ATXN7L3: variants seen among roughly 807,000 people sequenced by gnomAD.
The protein encoded by ATXN7L3 is ataxin 7 like 3, also known as ataxin-7-like protein 3.
In ATXN7L3, 6 loss-of-function variants were observed where a neutral mutation model predicts 50.0. The observed-to-expected ratio is 0.12, with a 90% CI of 0.07 to 0.24. The LOEUF is 0.24. Ranked by LOEUF, ATXN7L3 falls within the 10% of genes least tolerant of loss-of-function variation. The probability of loss-of-function intolerance (pLI) is 1.00; values close to 1 mark genes in which losing one functional copy is unlikely to be tolerated. For missense variants in ATXN7L3, 322 were observed against 451.3 expected, an observed-to-expected ratio of 0.71 and a Z score of 2.60; for synonymous variants, 198 against 165.8, an observed-to-expected ratio of 1.19 and a Z score of -1.49.
intron 2 of ATXN7L3, 62 bp from the exon 3 acceptor site, chr17:44,197,792 C>T: frequency 6.2e-7 from 1 of 1,607,282 alleles, no homozygotes; most frequent in South Asian, 1.1e-5. Flanking sequence ...CTCTCACCAA[C>T]CAAATCTGCT....
Position 44,197,629 on chromosome 17 carries a change from G to C in ATXN7L3, c.153C>G (p.Asp51Glu). The change falls in exon 3 of 13, where the codon GAC becomes GAG. Residue 51 changes from aspartate (D) to glutamate (E), a missense_variant. Around this residue, in one of 5 missense-constraint regions of ATXN7L3, gnomAD observed 48 missense variants for 134.6 expected, o/e 0.36. Coordinates refer to ENST00000587097, the MANE Select transcript of ATXN7L3 (RefSeq NM_001382309.1). The part of the protein sequence containing the change: ...RAVKCGYFFL[D>E]DTDPDSMKDF... ...CCTTCATGCTATCAGGGTCCGTGTC[G>C]TCCAAGAAGAAGTAGCCACACTTGA... 6.2e-7 allele frequency: 1 copy of C among 1,614,250 alleles called. No individual in the cohort carries two copies. Among genetic ancestry groups the C allele is most frequent in the Non-Finnish European group, 8.5e-7 (1 of 1,180,054 alleles).
chr17:44,195,606 C>T (rs1422722476), intron 8 of ATXN7L3, 119 bp from the exon 9 acceptor site: 14 of 1,260,810 alleles, frequency 1.1e-5, no homozygotes, highest in Admixed American at 7.6e-5. Context: ...ACGACCCTGC[C>T]GTTTTCCAAG....
At chr17:44,197,473 C>A in intron 3 of ATXN7L3, 74 bp from the exon 4 acceptor site, 1 of 1,573,702 alleles carries the variant, frequency 6.4e-7, no homozygotes, top group Non-Finnish European at 8.6e-7. Flanking sequence ...GTCCCACGGC[C>A]TCTTCAATCC....
Position 44,194,331 on chromosome 17 carries a change from A to C in ATXN7L3, c.976T>G (p.Ser326Ala). 6.2e-7 allele frequency: 1 copy of C among 1,614,052 alleles called. No homozygotes were observed. Among genetic ancestry groups the C allele is most frequent in the Non-Finnish European group, 8.5e-7 (1 of 1,179,996 alleles). ...SLVGTASGLG[S>A]NKKKKPKPPA... ...GGCTTTGGCTTCTTCTTCTTGTTGGAACCTAGGCCGGAGGCAGTCCCTACC... is the reference window on the plus strand; with the variant it reads ...GGCTTTGGCTTCTTCTTCTTGTTGGCACCTAGGCCGGAGGCAGTCCCTACC... The change falls in exon 13 of 13, where the codon TCC (serine) becomes GCC (alanine). Residue 326 changes from serine to alanine, a missense_variant. By Grantham distance (99) the Ser-to-Ala change is moderately conservative (BLOSUM62 1). Transcript: ENST00000587097.
chr17:44,194,164 C>T lies in ATXN7L3; in HGVS notation c.*99G>A. Reference sequence around the variant, plus strand: ...GCCTGGCCCACCAAGCTTCCCAAGCCCCAACCCCCAGCAGCCGTCCATTTG... The same window carrying T: ...GCCTGGCCCACCAAGCTTCCCAAGCTCCAACCCCCAGCAGCCGTCCATTTG... On this transcript the variant is annotated 3_prime_UTR_variant, in exon 13 of 13. Coordinates refer to ENST00000587097, the MANE Select transcript of ATXN7L3 (RefSeq NM_001382309.1). The T allele has an allele frequency of 6.7e-7, 1 of 1,491,400 alleles. No individual in the cohort carries two copies. The highest frequency in any genetic ancestry group is 1.3e-5 in the South Asian group (1 of 76,318). 92.4% of individuals were successfully genotyped at this position (1,491,400 alleles called of 1,614,324 possible). A position where few individuals can be genotyped will look rare whatever the true frequency, so the allele number is the denominator to read the frequency against.
rs773572177 is a variant in ATXN7L3 at position 44,194,420 on chromosome 17, A to T, written c.896-9T>A. The T allele has an allele frequency of 6.2e-7, 1 of 1,613,954 alleles. No homozygotes were observed. The highest frequency in any genetic ancestry group is 1.1e-5 in the South Asian group (1 of 91,070). ...CTCAGAGCTGTTGGTACCTGTAGAG[A>T]AAGAGACACAAGGGATGAGAGTATG... On this transcript the variant is annotated splice_polypyrimidine_tract_variant and intron_variant, in intron 12 of 12. Coordinates refer to ENST00000587097, the MANE Select transcript of ATXN7L3 (RefSeq NM_001382309.1).
In ATXN7L3 at chr17:44,196,037, T is replaced by C; in HGVS notation, c.520A>G (p.Asn174Asp). The change falls in exon 7 of 13, where the codon AAT becomes GAT. Residue 174 changes from asparagine (N) to aspartate (D), a missense_variant. Physicochemically the swap from Asn to Asp is conservative, Grantham distance 23. Coordinates refer to ENST00000587097, the MANE Select transcript of ATXN7L3 (RefSeq NM_001382309.1). ...CCATTGCTCCGGCTCCACTTACCAT[T>C]TTTGTGTTTTAATGACTTGGATCTT... is the stretch of plus-strand genomic sequence containing the variant. Reference protein sequence around the residue: ...PRRSKSLKHKNGELSNSDPFK... With the variant: ...PRRSKSLKHKDGELSNSDPFK... 6.2e-7 allele frequency: 1 copy of C among 1,610,536 alleles called. No individual in the cohort carries two copies. The highest frequency in any genetic ancestry group is 1.1e-5 in the South Asian group (1 of 90,988).
At chr17:44,194,743 C>T (rs1375837338) in intron 11 of ATXN7L3, 25 bp downstream of exon 11, 6 of 1,613,870 alleles carry the variant, frequency 3.7e-6, no homozygotes, top group East Asian at 2.2e-5. Flanking sequence ...TCACAACCCC[C>T]CACCCTTCCT....
chr17:44,196,219 T>A (rs1177621590), intron 6 of ATXN7L3, 140 bp from the exon 7 acceptor site: 33 of 1,075,366 alleles, frequency 3.1e-5, no homozygotes, highest in Non-Finnish European at 4.4e-5. Flanking sequence ...TGTCTACCCA[T>A]GTGCCCTCCC....
At position 44,197,421 on chromosome 17, in the gene ATXN7L3, G is replaced by A. The variant is rs540627936; in HGVS notation, c.185-22C>T. 3.1e-5 allele frequency: 49 copies of A among 1,581,134 alleles called. No individual in the cohort carries two copies. The African/African-American group carries it at 3.2e-4, about 10-fold the overall frequency. On this transcript the variant is annotated intron_variant, in intron 3 of 12. Coordinates refer to ENST00000587097, the MANE Select transcript of ATXN7L3 (RefSeq NM_001382309.1). ...ATCTCTGGGGACAGGAGAGGCTGGC[G>A]ATCAGGGTGGGCAGGACCCTCTCCT...
chr17:44,196,777 CAAAAAAAAAA>C (rs34885873), intron 5 of ATXN7L3, 142 bp downstream of exon 5: 8 of 237,844 alleles, frequency 3.4e-5, no homozygotes, highest in South Asian at 1.1e-4. Context: ...GAATCCATCT[CAAAAAAAAAA>C]AAAAAAAAAA....
Position 44,194,744 on chromosome 17 carries a change from C to A in ATXN7L3, c.737+24G>T, listed in dbSNP as rs1425808109. The A allele has an allele frequency of 3.1e-6, 5 of 1,613,872 alleles. No individual in the cohort carries two copies. In the South Asian group the frequency reaches 4.4e-5, roughly 14 times the overall value. On this transcript the variant is annotated intron_variant, in intron 11 of 12. Transcript: ENST00000587097. ...ATCGCCCTAACTGGTCACAACCCCC[C>A]ACCCTTCCTGTAGGGCCACTTACGC...
At chr17:44,198,974 G>C (rs2056032898) in intron 1 of ATXN7L3, 1 of 152,692 alleles carries the variant, frequency 6.5e-6, no homozygotes, top group African/African-American at 2.4e-5. Context: ...GTGGGGTGGG[G>C]ACTGACGAAT....
intron 9 of ATXN7L3, 72 bp downstream of exon 9, chr17:44,195,347 C>T: frequency 6.6e-7 from 1 of 1,513,802 alleles, no homozygotes; most frequent in Non-Finnish European, 9.2e-7. Flanking sequence ...CCAGCTTCCT[C>T]CCAGGCCTTG....
chr17:44,197,866 C>T (rs1388287445), intron 2 of ATXN7L3, 136 bp from the exon 3 acceptor site: 1 of 1,526,762 alleles, frequency 6.5e-7, no homozygotes, highest in African/African-American at 1.4e-5. Context: ...ACTTCGTGTT[C>T]TTTCTTCTTC....
At position 44,197,839 on chromosome 17, in the gene ATXN7L3, C is replaced by G. The variant is rs926723923; in HGVS notation, c.52-109G>C. 4 of 1,550,758 alleles carry G rather than the reference C, an allele frequency of 2.6e-6. No homozygotes were observed. The African/African-American group carries it at 4.1e-5, about 16-fold the overall frequency. On this transcript the variant is annotated intron_variant, in intron 2 of 12. Transcript: ENST00000587097. ...CCAGCCAAAAATCATGCTTTCTTTG[C>G]CATTTTCCCCATCTTGACTTCGTGT...
rs755664411 is a variant in ATXN7L3, at chr17:44,194,511, A to G, written c.895+6T>C. 6.2e-7 allele frequency: 1 copy of G among 1,613,540 alleles called. No individual in the cohort carries two copies. The highest frequency in any genetic ancestry group is 8.5e-7 in the Non-Finnish European group (1 of 1,179,948). ...AGAGCCCCTAGGGCCCAACTGCATC[A>G]CGTACCTAGACCCCATCCCTGATTT... is the stretch of plus-strand genomic sequence containing the variant. On this transcript the variant is annotated splice_donor_region_variant and intron_variant, in intron 12 of 12. Coordinates refer to ENST00000587097, the MANE Select transcript of ATXN7L3 (RefSeq NM_001382309.1).
chr17:44,196,758 A>G lies in ATXN7L3; in HGVS notation c.454+171T>C, dbSNP rs545782520. Among the ~76,000 whole-genome samples, 27 of 144,448 alleles carry G rather than the reference A, an allele frequency of 1.9e-4. 1 individual carries two copies. The South Asian group carries it at 5.2e-3, about 28-fold the overall frequency. 94.8% of individuals were successfully genotyped at this position (144,448 alleles called of 152,430 possible). On this transcript the variant is annotated intron_variant, in intron 5 of 12. Coordinates refer to ENST00000587097, the MANE Select transcript of ATXN7L3 (RefSeq NM_001382309.1). ...TCACCACTGCACCCCAGCCTGGGCC[A>G]CAGAGCGAGAATCCATCTCAAAAAA...
At chr17:44,196,192 C>T in intron 6 of ATXN7L3, 113 bp from the exon 7 acceptor site, 3 of 1,355,096 alleles carry the variant, frequency 2.2e-6, no homozygotes, top group South Asian at 1.2e-5. Flanking sequence ...CCTACTCTTC[C>T]TCCCCAGTAG....
Sources: allele counts gnomAD v4.1 joint callset (sites outside exome capture counted in the v4.1 genomes callset), GRCh38; gene constraint gnomAD v4.1.1; regional missense constraint gnomAD v4.1.1; transcripts MANE v1.5; gene names NCBI Gene and HGNC (gene_info 2026-07-23, HGNC 2026-07-21).